ARHGEF3: variants seen among roughly 807,000 people sequenced by gnomAD.
ARHGEF3 encodes 59.8 kDA protein.
In ARHGEF3, 28 loss-of-function variants were observed where a neutral mutation model predicts 63.2. The observed-to-expected ratio is 0.44, with a 90% CI of 0.33 to 0.61. The LOEUF (loss-of-function observed/expected upper bound fraction) is 0.61. ARHGEF3 is among the 20% of genes least tolerant of loss of function. ARHGEF3 has a pLI of 0.03. For missense variants in ARHGEF3, 533 were observed against 659.3 expected (o/e 0.81, Z 2.10); for synonymous variants, 266 against 254.2 (o/e 1.05, Z -0.44).
At chr3:56,881,310 A>C (rs1242856111) in intron 4 of ARHGEF3, among the ~76,000 whole-genome samples, 1 of 152,150 alleles carries the variant, frequency 6.6e-6, no homozygotes, top group Non-Finnish European at 1.5e-5. Context: ...CATGGTCTCC[A>C]CAGAGGAGAG....
At chr3:56,762,533 TGTAAACCCAGCAG>T (rs2035477296) in intron 2 of ARHGEF3, among the ~76,000 whole-genome samples, 1 of 152,032 alleles carries the variant, frequency 6.6e-6, no homozygotes, top group Non-Finnish European at 1.5e-5. Context: ...TCAGAGGAAA[TGTAAACCCAGCAG>T]GTAGACATGA....
intron 1 of ARHGEF3, among the ~76,000 whole-genome samples, chr3:57,069,413 T>TCACAC (rs1705758841): frequency 1.7e-5 from 2 of 116,936 alleles, no homozygotes; most frequent in African/African-American, 6.7e-5. Flanking sequence ...ACACACACAT[T>TCACAC]GTTTGTTTAA....
intron 1 of ARHGEF3, among the ~76,000 whole-genome samples, chr3:56,791,427 A>C (rs1293491520): frequency 1.2e-4 from 18 of 152,146 alleles, no homozygotes; most frequent in Admixed American, 1.1e-3. Context: ...TAGGCAACAG[A>C]ACAAGACCCT....
intron 6 of ARHGEF3, among the ~76,000 whole-genome samples, chr3:56,749,424 G>A (rs1005784708): frequency 1.2e-4 from 18 of 152,200 alleles, no homozygotes; most frequent in African/African-American, 3.4e-4. Flanking sequence ...TGATGCTTAA[G>A]GAAACCATGT....
Position 56,739,377 on chromosome 3 carries a change from T to G in ARHGEF3, c.871-2022A>C, listed in dbSNP as rs148760269. Among the ~76,000 whole-genome samples, 5 of 149,838 alleles carry G rather than the reference T, an allele frequency of 3.3e-5. 1 individual carries two copies. The highest frequency in any genetic ancestry group is 6.8e-5 in the Admixed American group (1 of 14,802). On this transcript the variant is annotated intron_variant, in intron 7 of 9. Coordinates refer to ENST00000296315, the MANE Select transcript of ARHGEF3 (RefSeq NM_019555.3). ...TAATAATAATAAATTGTATCTAGGATTGTTAAGTAATTATTTTCCTTTTTT... is the reference window on the plus strand; with the variant it reads ...TAATAATAATAAATTGTATCTAGGAGTGTTAAGTAATTATTTTCCTTTTTT...
intron 3 of ARHGEF3, among the ~76,000 whole-genome samples, chr3:56,930,578 C>CAAAGT (rs2042384455): frequency 6.6e-6 from 1 of 152,142 alleles, no homozygotes; most frequent in Non-Finnish European, 1.5e-5. Context: ...GTCTTTGCCT[C>CAAAGT]AAAGTAAGGA....
intron 2 of ARHGEF3, among the ~76,000 whole-genome samples, chr3:56,995,681 T>A (rs1451777560): frequency 3.0e-5 from 4 of 134,432 alleles, no homozygotes; most frequent in South Asian, 2.3e-4. Flanking sequence ...GAATTTTTTT[T>A]AACCTGGTCT....
intron 3 of ARHGEF3, among the ~76,000 whole-genome samples, chr3:56,903,201 G>A (rs960383294): frequency 5.9e-5 from 9 of 152,128 alleles, no homozygotes; most frequent in African/African-American, 9.7e-5. Flanking sequence ...AGGGGTCATC[G>A]TGGGAGAGGG....
intron 1 of ARHGEF3, among the ~76,000 whole-genome samples, chr3:56,790,316 A>G (rs1006283735): frequency 3.9e-5 from 6 of 152,226 alleles, no homozygotes; most frequent in Non-Finnish European, 5.9e-5. Flanking sequence ...AAGCTCTCAG[A>G]TAAGTCACCA....
chr3:56,901,445 G>GTA lies in ARHGEF3; in HGVS notation c.130-19093_130-19092dup, dbSNP rs745670696. On this transcript the variant is annotated intron_variant, in intron 3 of 12. Transcript: ENST00000338458. ...GTATATGTACATATATATACATACT[G>GTA]TATATATATATATACAGTTGACTCT... 1.6e-3 allele frequency among the ~76,000 whole-genome samples: 236 copies of GTA among 149,576 alleles called. 1 individual carries two copies. Among genetic ancestry groups the GTA allele is most frequent in the African/African-American group, 3.1e-3 (128 of 40,910 alleles).
chr3:56,797,095 C>T (rs2037407583), intron 1 of ARHGEF3, among the ~76,000 whole-genome samples: 1 of 152,040 alleles, frequency 6.6e-6, no homozygotes, highest in South Asian at 2.1e-4. Flanking sequence ...TCGTTTGACC[C>T]TCACTATGGT....
At chr3:56,930,053 CT>C (rs200006278) in intron 3 of ARHGEF3, among the ~76,000 whole-genome samples, 24 of 151,362 alleles carry the variant, frequency 1.6e-4, no homozygotes, top group African/African-American at 3.9e-4. Context: ...CAGCCCCCCC[CT>C]CCCACCAGCT....
intron 4 of ARHGEF3, among the ~76,000 whole-genome samples, chr3:56,855,674 G>A (rs1176033061): frequency 6.9e-6 from 1 of 145,048 alleles, no homozygotes; most frequent in Non-Finnish European, 1.5e-5. Flanking sequence ...GAGTGAGACT[G>A]TCTCAAAAAA....
In ARHGEF3 at chr3:56,758,003, C is replaced by T. The variant is rs1025068116; in HGVS notation, c.205-2852G>A. ...TCCCAAAGTGTCTAAAATGGCCGGGCGTGGTGGCTCACGCCTGTAATCCCA... is the reference window on the plus strand; with the variant it reads ...TCCCAAAGTGTCTAAAATGGCCGGGTGTGGTGGCTCACGCCTGTAATCCCA... On this transcript the variant is annotated intron_variant, in intron 2 of 9. Transcript: ENST00000296315. Among the ~76,000 whole-genome samples the T allele has an allele frequency of 6.7e-5, 10 of 150,130 alleles. No individual in the cohort carries two copies. The South Asian group carries it at 8.8e-4, about 13-fold the overall frequency.
rs71309980 is a variant in ARHGEF3 at position 56,878,692 on chromosome 3, T to C, written c.192+3600A>G. Among the ~76,000 whole-genome samples, 1,289 of 152,272 alleles carry C rather than the reference T, an allele frequency of 8.5e-3. 4 individuals are homozygous for C. The highest frequency in any genetic ancestry group is 0.013 in the Non-Finnish European group (896 of 68,020). The stretch of plus-strand genomic sequence containing the variant: ...AAAATTTCCTGTGCTATCAACAGAT[T>C]CCGGAAAGAGTTAAGTGATGCATCC... On this transcript the variant is annotated intron_variant, in intron 4 of 12. Coordinates refer to the ARHGEF3 transcript ENST00000338458.
intron 2 of ARHGEF3, among the ~76,000 whole-genome samples, chr3:56,988,467 G>A (rs1336966201): frequency 6.6e-6 from 1 of 152,098 alleles, no homozygotes; most frequent in African/African-American, 2.4e-5. Context: ...AAATAAGCTA[G>A]TAGTCATAAA....
chr3:56,966,869 TTA>T (rs1578974047), intron 2 of ARHGEF3, among the ~76,000 whole-genome samples: 1 of 150,658 alleles, frequency 6.6e-6, no homozygotes, highest in African/African-American at 2.4e-5. Flanking sequence ...ATTATTATTA[TTA>T]TTTTTTATTG....
chr3:56,975,774 G>A (rs906935314), intron 2 of ARHGEF3: 9 of 425,712 alleles, frequency 2.1e-5, no homozygotes, highest in Non-Finnish European at 2.7e-5. Context: ...TGTACCAGGC[G>A]CAGAGCCAAT....
At chr3:57,000,753 G>T (rs1289210635) in intron 2 of ARHGEF3, among the ~76,000 whole-genome samples, 1 of 152,012 alleles carries the variant, frequency 6.6e-6, no homozygotes, top group East Asian at 1.9e-4. Context: ...GGCTGGTCTC[G>T]AACTCCTGAC....
Sources: allele counts gnomAD v4.1 joint callset (sites outside exome capture counted in the v4.1 genomes callset), GRCh38; gene constraint gnomAD v4.1.1; transcripts MANE v1.5; gene names NCBI Gene and HGNC (gene_info 2026-07-23, HGNC 2026-07-21).